The following KALRN variants were observed in gnomAD, a reference collection of about 807,000 sequenced individuals.
KALRN encodes kalirin RhoGEF kinase.
KALRN carries 70 observed loss-of-function variants against 353.7 expected under a neutral mutation model. The ratio of observed to expected loss-of-function variants is 0.20; its 90% CI spans 0.16 to 0.24. The LOEUF is 0.24. Ranked by LOEUF, KALRN falls within the 10% of genes least tolerant of loss-of-function variation. The probability of loss-of-function intolerance (pLI) is 1.00; values close to 1 mark genes in which losing one functional copy is unlikely to be tolerated. For missense variants in KALRN, 2,791 were observed against 3,756.7 expected (o/e 0.74, Z 6.72); for synonymous variants, 1,391 against 1,434.8 (o/e 0.97, Z 0.69).
intron 1 of KALRN, among the ~76,000 whole-genome samples, chr3:124,107,938 A>G (rs1254001713): frequency 6.6e-6 from 1 of 152,146 alleles, no homozygotes; most frequent in African/African-American, 2.4e-5. Flanking sequence ...AGCTTTCTGA[A>G]CCTACACAGA....
intron 10 of KALRN, among the ~76,000 whole-genome samples, chr3:124,359,310 T>A (rs1162921623): frequency 1.3e-5 from 2 of 152,242 alleles, no homozygotes; most frequent in Non-Finnish European, 2.9e-5. Context: ...TTGGCCGGTA[T>A]CTGGCCTGAG....
intron 1 of KALRN, among the ~76,000 whole-genome samples, chr3:124,145,698 T>C (rs551678837): frequency 5.9e-5 from 9 of 152,346 alleles, no homozygotes; most frequent in Admixed American, 1.3e-4. Context: ...AGTAAATTAA[T>C]GTAACCACTC....
At chr3:124,112,013 A>T (rs180982544) in intron 1 of KALRN, among the ~76,000 whole-genome samples, 83 of 149,242 alleles carry the variant, frequency 5.6e-4, no homozygotes, top group Non-Finnish European at 1.1e-3. Context: ...ATTAAGGCTT[A>T]AGAATCCTGG....
At chr3:124,711,197 AT>A (rs1255304097) in intron 57 of KALRN, among the ~76,000 whole-genome samples, 4 of 148,310 alleles carry the variant, frequency 2.7e-5, no homozygotes, top group Admixed American at 6.7e-5. Context: ...TTTAAAAAAA[AT>A]TTTTAAAGCG....
intron 10 of KALRN, among the ~76,000 whole-genome samples, chr3:124,373,467 G>T (rs1262921516): frequency 6.6e-6 from 1 of 152,178 alleles, no homozygotes; most frequent in Non-Finnish European, 1.5e-5. Flanking sequence ...ACCACAATCC[G>T]CACAGATTAA....
At chr3:124,522,031 C>A (rs1400286094) in intron 33 of KALRN, among the ~76,000 whole-genome samples, 1 of 151,622 alleles carries the variant, frequency 6.6e-6, no homozygotes, top group East Asian at 1.9e-4. Context: ...TTAGAAGAAT[C>A]AAAGAAAAAT....
chr3:124,501,887 T>G (rs1310841085), intron 33 of KALRN, among the ~76,000 whole-genome samples: 1 of 152,204 alleles, frequency 6.6e-6, no homozygotes, highest in East Asian at 1.9e-4. Flanking sequence ...TACATTCTGG[T>G]ACATAGAAAA....
intron 53 of KALRN, among the ~76,000 whole-genome samples, chr3:124,695,249 TACTA>T (rs61208276): frequency 0.21 from 31,948 of 152,054 alleles, 3,781 homozygotes; most frequent in East Asian, 0.41. Context: ...CATTTATTGT[TACTA>T]ACTATGAATT....
intron 10 of KALRN, among the ~76,000 whole-genome samples, chr3:124,366,626 C>T (rs995691357): frequency 3.2e-4 from 48 of 151,842 alleles, no homozygotes; most frequent in African/African-American, 1.0e-3. Flanking sequence ...ACACGGCAAC[C>T]ATCCGATTTC....
chr3:124,050,919 A>C lies in KALRN; in HGVS notation c.73+17106A>C, dbSNP rs562137086. On this transcript the variant is annotated intron_variant, in intron 1 of 59. Coordinates refer to ENST00000682506, the MANE Select transcript of KALRN (RefSeq NM_001388419.1). Reference sequence around the variant, plus strand: ...TAACTATCCTAAACTTCCTTGAGGCAAATAGATGCTTCTGGCAGAGTAAGG... The same window carrying C: ...TAACTATCCTAAACTTCCTTGAGGCCAATAGATGCTTCTGGCAGAGTAAGG... Among the ~76,000 whole-genome samples, 5 of 152,304 alleles carry C rather than the reference A, an allele frequency of 3.3e-5. No individual in the cohort carries two copies. In the South Asian group the frequency reaches 1.0e-3, roughly 32 times the overall value.
At chr3:124,667,958 A>C (rs1022857429) in intron 47 of KALRN, among the ~76,000 whole-genome samples, 6 of 152,104 alleles carry the variant, frequency 3.9e-5, no homozygotes, top group African/African-American at 1.4e-4. Flanking sequence ...AACCAAGCAG[A>C]AATAGAGCTT....
At chr3:124,176,042 T>C (rs2072691131) in intron 1 of KALRN, among the ~76,000 whole-genome samples, 1 of 152,148 alleles carries the variant, frequency 6.6e-6, no homozygotes, top group Admixed American at 6.5e-5. Context: ...TTATAACCTC[T>C]TGTCTGCATC....
chr3:124,715,113 T>C (rs1301450229), intron 58 of KALRN, among the ~76,000 whole-genome samples: 2 of 152,102 alleles, frequency 1.3e-5, no homozygotes, highest in East Asian at 1.9e-4. Context: ...AAATGGATGA[T>C]TTTAATATAA....
At chr3:124,244,181 A>C (rs2148677342) in intron 3 of KALRN, among the ~76,000 whole-genome samples, 1 of 152,296 alleles carries the variant, frequency 6.6e-6, no homozygotes, top group East Asian at 1.9e-4. Context: ...AGCTCTTGTA[A>C]CTGCACCACC....
chr3:124,209,106 A>G (rs772427978), intron 1 of KALRN, among the ~76,000 whole-genome samples: 16 of 152,266 alleles, frequency 1.1e-4, no homozygotes, highest in Non-Finnish European at 2.4e-4. Context: ...GACTTTATGT[A>G]CATTGTCTCT....
rs2081102737 is a variant in KALRN at position 124,634,200 on chromosome 3, G to A, written c.5568+247G>A. On this transcript the variant is annotated intron_variant, in intron 36 of 59. Coordinates refer to ENST00000682506, the MANE Select transcript of KALRN (RefSeq NM_001388419.1). ...AAAGTGGGAATCTGCCTGGTGTCTT[G>A]TCCTGTTGATAAAGGGTAATGGCTC... Among the ~76,000 whole-genome samples the A allele has an allele frequency of 7.2e-5, 11 of 152,164 alleles. No homozygotes were observed. In the South Asian group the frequency reaches 2.3e-3, roughly 31 times the overall value.
At chr3:124,491,606 A>C in intron 31 of KALRN, 182 bp downstream of exon 31, 7 of 450,294 alleles carry the variant, frequency 1.6e-5, no homozygotes, top group East Asian at 7.2e-5. Context: ...CCAGAATCTC[A>C]AAGACGCATG....
chr3:124,138,193 C>T (rs2066169057), intron 1 of KALRN, among the ~76,000 whole-genome samples: 1 of 152,178 alleles, frequency 6.6e-6, no homozygotes. Context: ...CCTCTGGGCT[C>T]AGTGGGAGTT....
At chr3:124,465,433 T>C (rs1055796857) in intron 25 of KALRN, among the ~76,000 whole-genome samples, 4 of 152,318 alleles carry the variant, frequency 2.6e-5, no homozygotes, top group South Asian at 2.1e-4. Context: ...TGCAGACTTA[T>C]GGCTAATACC....
Sources: gnomAD v4.1 joint callset for allele counts (sites outside exome capture counted in the v4.1 genomes callset) on GRCh38, gnomAD v4.1.1 for gene constraint, MANE v1.5 for transcripts, NCBI Gene and HGNC (gene_info 2026-07-23, HGNC 2026-07-21) for gene names.